The following CCDC187 variants were observed in gnomAD, a reference collection of about 807,000 sequenced individuals.
CCDC187 encodes coiled-coil domain-containing protein 187.
A neutral mutation model predicts 38.0 loss-of-function variants in CCDC187; 32 were observed. That is an observed-to-expected ratio of 0.84 (90% CI 0.64 to 1.13). The LOEUF (loss-of-function observed/expected upper bound fraction) is 1.13. CCDC187 is among the 50% of genes most tolerant of loss of function. The pLI, the probability that CCDC187 is intolerant of heterozygous loss-of-function variation, is 0.00. For missense variants in CCDC187, 707 were observed against 786.8 expected (o/e 0.90, Z 1.21); for synonymous variants, 333 against 347.9 (o/e 0.96, Z 0.48).
At chr9:136,297,239 G>A (rs1175599965) in intron 4 of CCDC187, among the ~76,000 whole-genome samples, 1 of 150,954 alleles carries the variant, frequency 6.6e-6, no homozygotes. Context: ...CCTGAGCTGC[G>A]GGTGCCATGG....
At chr9:136,288,404 C>A (rs1315508945) in intron 7 of CCDC187, among the ~76,000 whole-genome samples, 3 of 152,192 alleles carry the variant, frequency 2.0e-5, no homozygotes, top group Non-Finnish European at 4.4e-5. Context: ...ATACCAGCTG[C>A]CAAAGATACG....
intron 14 of CCDC187, among the ~76,000 whole-genome samples, chr9:136,268,598 T>G (rs1830787894): frequency 1.3e-5 from 2 of 152,182 alleles, no homozygotes; most frequent in Non-Finnish European, 2.9e-5. Flanking sequence ...CAAGCGATCC[T>G]TAAGGACGTT....
At position 136,252,031 on chromosome 9, in the gene CCDC187, CAGT is replaced by C; in HGVS notation, c.*1560_*1562del. On this transcript the variant is annotated 3_prime_UTR_variant, in exon 26 of 26. Transcript: ENST00000638797. ...CCCTGGGAAGAGCCGGCCGCCCACC[CAGT>C]CCACCCTGGGAAGGTCCAGGCAACC... 1 of 114,838 alleles carries C rather than the reference CAGT, an allele frequency of 8.7e-6. No individual in the cohort carries two copies. Among genetic ancestry groups the C allele is most frequent in the African/African-American group, 3.0e-5 (1 of 32,864 alleles). 7.1% of individuals were successfully genotyped at this position (114,838 alleles called of 1,614,324 possible). A position where few individuals can be genotyped will look rare whatever the true frequency, so the allele number is the denominator to read the frequency against.
intron 3 of CCDC187, among the ~76,000 whole-genome samples, 167 bp from the exon 4 acceptor site, chr9:136,297,988 G>T (rs949641546): frequency 6.6e-6 from 1 of 152,242 alleles, no homozygotes; most frequent in Non-Finnish European, 1.5e-5. Flanking sequence ...GGCAGCTAAC[G>T]CTGGGGACAG....
intron 19 of CCDC187, 110 bp from the exon 20 acceptor site, chr9:136,260,374 G>A (rs1195509200): frequency 1.2e-6 from 1 of 830,550 alleles, no homozygotes; most frequent in Non-Finnish European, 1.5e-6. Context: ...ACAACCTCAT[G>A]TCACATCCAG....
rs2131248913 is a variant in CCDC187 at position 136,281,556 on chromosome 9, C to T, written c.3035G>A (p.Ser1012Asn). The T allele has an allele frequency of 2.5e-6, 1 of 398,632 alleles. No homozygotes were observed. Among genetic ancestry groups the T allele is most frequent in the East Asian group, 3.6e-5 (1 of 28,072 alleles). The allele number at this position is 398,632 out of a possible 1,614,324, so 24.7% of individuals were successfully genotyped here. The change falls in exon 10 of 26, where the codon AGC (serine) becomes AAC (asparagine). Residue 1012 changes from serine (S) to asparagine (N), a missense_variant. By Grantham distance (46) the Ser-to-Asn change is conservative (BLOSUM62 1). Coordinates refer to ENST00000638797, the MANE Select transcript of CCDC187 (RefSeq NM_001378188.1). The part of the protein sequence containing the change: ...ADSVAPCTPR[S>N]CGQQEDPCVR... ...GTCCGCAGGGTCGCCCTTACCGCAG[C>T]TCCGGGGGGTGCAGGGCGCCACAGA...
chr9:136,259,861 T>A (rs1396312004), intron 20 of CCDC187, among the ~76,000 whole-genome samples: 1 of 152,180 alleles, frequency 6.6e-6, no homozygotes, highest in Admixed American at 6.5e-5. Flanking sequence ...GTTTCCCGGC[T>A]GGCACACCCC....
In CCDC187 at chr9:136,258,905, C is replaced by G; in HGVS notation, c.4366+27G>C. The G allele has an allele frequency of 2.0e-6, 2 of 985,502 alleles. No homozygotes were observed. The highest frequency in any genetic ancestry group is 2.4e-6 in the Non-Finnish European group (2 of 830,006). The allele number at this position is 985,502 out of a possible 1,614,324, so 61.0% of individuals were successfully genotyped here. On this transcript the variant is annotated intron_variant, in intron 22 of 25. Coordinates refer to ENST00000638797, the MANE Select transcript of CCDC187 (RefSeq NM_001378188.1). The surrounding 1 kb of genome is among the most constrained non-coding windows in gnomAD (Gnocchi z 4.3). ...GGGGAAGTGTCTGGCGCCGTGGAGG[C>G]CCACGCGGTGTTTCCAGGGTGCTTA...
upstream of CCDC187, among the ~76,000 whole-genome samples, chr9:136,305,342 C>T (rs1340024156): frequency 6.6e-6 from 1 of 152,144 alleles, no homozygotes; most frequent in Non-Finnish European, 1.5e-5. Context: ...ACCACAGGGT[C>T]CCCCCACCCT....
chr9:136,254,405 G>C lies in CCDC187; in HGVS notation c.5423C>G (p.Ser1808Cys). 2 of 984,882 alleles carry C rather than the reference G, an allele frequency of 2.0e-6. No individual in the cohort carries two copies. Among genetic ancestry groups the C allele is most frequent in the Non-Finnish European group, 2.4e-6 (2 of 829,592 alleles). 61.0% of individuals were successfully genotyped at this position (984,882 alleles called of 1,614,324 possible). A position where few individuals can be genotyped will look rare whatever the true frequency, so the allele number is the denominator to read the frequency against. Residue 1808 changes from serine to cysteine, a missense_variant, in exon 26 of 26, where the codon TCC (serine) becomes TGC (cysteine). Coordinates refer to ENST00000638797, the MANE Select transcript of CCDC187 (RefSeq NM_001378188.1). ...CCCAGAAGCTTCCCGCCCCTCCCCGGACCGTGGGGAGGGAGGAGCCACCTG... is the reference window on the plus strand; with the variant it reads ...CCCAGAAGCTTCCCGCCCCTCCCCGCACCGTGGGGAGGGAGGAGCCACCTG... ...EPQVAPPSPR[S>C]GEGREASGTS... is the part of the protein sequence containing the mutation.
chr9:136,254,457 G>T lies in CCDC187; in HGVS notation c.5371C>A (p.Leu1791Met). ...GGCTCCACGCCGCTTCCAAGGCCCA[G>T]TGAGCCACCTGCAGGCAGGGAGCTC... ...SGSSLPAGGS[L>M]GLGSGVEPQV... The change falls in exon 26 of 26, where the codon CTG becomes ATG. Residue 1791 changes from leucine to methionine, a missense_variant. Coordinates refer to ENST00000638797, the MANE Select transcript of CCDC187 (RefSeq NM_001378188.1). The T allele has an allele frequency of 1.0e-6, 1 of 985,392 alleles. No homozygotes were observed. 61.0% of individuals were successfully genotyped at this position (985,392 alleles called of 1,614,324 possible).
At chr9:136,265,252 C>T (rs1830730527) in intron 17 of CCDC187, among the ~76,000 whole-genome samples, 1 of 152,360 alleles carries the variant, frequency 6.6e-6, no homozygotes, top group South Asian at 2.1e-4. Context: ...AAAGCCCTGA[C>T]TCTGGCAGCT....
intron 16 of CCDC187, 110 bp from the exon 17 acceptor site, chr9:136,266,153 C>G (rs189143845): frequency 1.8e-6 from 1 of 552,592 alleles, no homozygotes; most frequent in Non-Finnish European, 2.3e-6. Context: ...GGAATGCCCT[C>G]CCAAGGTGCA....
At position 136,254,984 on chromosome 9, in the gene CCDC187, G is replaced by A; in HGVS notation, c.4844C>T (p.Thr1615Ile). 1.0e-6 allele frequency: 1 copy of A among 985,502 alleles called. No individual in the cohort carries two copies. Among genetic ancestry groups the A allele is most frequent in the South Asian group, 4.7e-5 (1 of 21,282 alleles). 61.0% of individuals were successfully genotyped at this position (985,502 alleles called of 1,614,324 possible). ...GCTGCTCACAGAGCCTGCTGGGGAG[G>A]TGTGGGATGACACCGTGGCTTCTTC... is the stretch of plus-strand genomic sequence containing the variant. ...PSEEATVSSH[T>I]SPAGSVSSLS... Residue 1615 changes from threonine to isoleucine, a missense_variant, in exon 26 of 26, where the codon ACC becomes ATC. Coordinates refer to ENST00000638797, the MANE Select transcript of CCDC187 (RefSeq NM_001378188.1).
chr9:136,259,574 A>C, intron 20 of CCDC187, 126 bp from the exon 21 acceptor site: 1 of 282,252 alleles, frequency 3.5e-6, no homozygotes, highest in Non-Finnish European at 5.3e-6. Context: ...AGCTAACCTC[A>C]AGGGAGACAG....
chr9:136,262,151 C>T (rs1554761058), intron 19 of CCDC187, among the ~76,000 whole-genome samples, 160 bp downstream of exon 19: 1 of 152,272 alleles, frequency 6.6e-6, no homozygotes, highest in Non-Finnish European at 1.5e-5. Flanking sequence ...GCCGGCAGAA[C>T]AGCCCCCAGC....
In CCDC187 at chr9:136,264,761, CTT is replaced by C. The variant is rs35303959; in HGVS notation, c.3736-965_3736-964del. ...AAAGTAGTCCCCCACCCCAGCTCACCTTTTTTTTTTTTGAAACAAGGTCTCAC... is the reference window on the plus strand; with the variant it reads ...AAAGTAGTCCCCCACCCCAGCTCACCTTTTTTTTTTGAAACAAGGTCTCAC... On this transcript the variant is annotated intron_variant, in intron 17 of 25. Coordinates refer to ENST00000638797, the MANE Select transcript of CCDC187 (RefSeq NM_001378188.1). The surrounding 1 kb of genome is among the most constrained non-coding windows in gnomAD (Gnocchi z 4.3). Among the ~76,000 whole-genome samples, 17 of 143,598 alleles carry C rather than the reference CTT, an allele frequency of 1.2e-4. No homozygotes were observed. Among genetic ancestry groups the C allele is most frequent in the Non-Finnish European group, 3.0e-5 (2 of 66,242 alleles). 94.2% of individuals were successfully genotyped at this position (143,598 alleles called of 152,430 possible).
intron 10 of CCDC187, among the ~76,000 whole-genome samples, chr9:136,279,860 G>C (rs1312506142): frequency 6.6e-6 from 1 of 152,240 alleles, no homozygotes; most frequent in Admixed American, 6.5e-5. Flanking sequence ...GAATGGATGA[G>C]TGCCATCATT....
intron 10 of CCDC187, among the ~76,000 whole-genome samples, chr9:136,277,140 C>T (rs1339794654): frequency 5.9e-5 from 9 of 151,742 alleles, no homozygotes; most frequent in Non-Finnish European, 2.9e-5. Flanking sequence ...TGCCATGTGA[C>T]CTTGAACAAA....
Sources: gnomAD v4.1 joint callset for allele counts (sites outside exome capture counted in the v4.1 genomes callset) on GRCh38, gnomAD v4.1.1 for gene constraint, Gnocchi (gnomAD v3.1) non-coding constraint, MANE v1.5 for transcripts, NCBI Gene and HGNC (gene_info 2026-07-23, HGNC 2026-07-21) for gene names.